The following PARP6 variants were observed in gnomAD, a reference collection of about 807,000 sequenced individuals.
PARP6 encodes poly(ADP-ribose) polymerase family member 6.
A neutral mutation model predicts 92.0 loss-of-function variants in PARP6; 27 were observed. The observed-to-expected ratio is 0.29, with a 90% CI of 0.22 to 0.40. The LOEUF is 0.40. Ranked by LOEUF, PARP6 falls within the 10% of genes least tolerant of loss-of-function variation. The pLI is 1.00. For synonymous variants in PARP6, 272 were observed against 281.2 expected (o/e 0.97, Z 0.33); for missense variants, 501 against 784.5 (o/e 0.64, Z 4.32).
chr15:72,250,904 A>C lies in PARP6; in HGVS notation c.1359T>G (p.Pro453=). The C allele has an allele frequency of 6.2e-7, 1 of 1,612,638 alleles. No homozygotes were observed. Among genetic ancestry groups the C allele is most frequent in the African/African-American group, 1.3e-5 (1 of 74,920 alleles). The change falls in exon 18 of 24, where the codon CCT becomes CCG. Residue 453 remains proline (P), a synonymous_variant. Transcript: ENST00000569795. ...SHQFLLLSSP[P]AKEARFRTAK... is the part of the protein sequence containing the mutation. ...CGGTCCGGAACCGAGCCTCCTTGGCAGGAGGGCTGCTCAGCAGGAGGAACT... is the reference window on the plus strand; with the variant it reads ...CGGTCCGGAACCGAGCCTCCTTGGCCGGAGGGCTGCTCAGCAGGAGGAACT...
intron 8 of PARP6, among the ~76,000 whole-genome samples, chr15:72,262,215 A>C (rs1303148385): frequency 6.6e-6 from 1 of 152,160 alleles, no homozygotes; most frequent in South Asian, 2.1e-4. Flanking sequence ...GTCCTTGATC[A>C]GTTCTCTCTA....
rs754686893 is a variant in PARP6, at chr15:72,265,901, T to C, written c.172A>G (p.Ile58Val). The C allele has an allele frequency of 1.2e-5, 19 of 1,609,436 alleles. 1 individual carries two copies. The South Asian group carries it at 1.3e-4, about 11-fold the overall frequency. The stretch of plus-strand genomic sequence containing the variant: ...ACCCCTGAAGTAGAGTCCCACCTGA[T>C]GGATACAGAGTTCTCACTGTAGATC... ...KEIYSENSVS[I>V]REYGTIDDVD... Residue 58 changes from isoleucine to valine, a missense_variant, in exon 5 of 24, where the codon ATC (isoleucine) becomes GTC (valine). Ile to Val is a conservative substitution (Grantham distance 29). Coordinates refer to ENST00000569795, the MANE Select transcript of PARP6 (RefSeq NM_001323532.2).
intron 14 of PARP6, among the ~76,000 whole-genome samples, chr15:72,255,592 T>C (rs2084970485): frequency 6.6e-6 from 1 of 151,780 alleles, no homozygotes; most frequent in Admixed American, 6.6e-5. Context: ...GGACTGGGAC[T>C]ACCACTGTAC....
rs2086415027 is a variant in PARP6, at chr15:72,265,174, A to G, written c.238-3T>C. The G allele has an allele frequency of 2.5e-6, 4 of 1,601,340 alleles. No individual in the cohort carries two copies. Among genetic ancestry groups the G allele is most frequent in the Non-Finnish European group, 3.4e-6 (4 of 1,168,682 alleles). ...TTCCAGGCTGTAGAGACTTCCTCCT[A>G]AAAGAAGAAGGGAAATAGTTTCCAG... On this transcript the variant is annotated splice_polypyrimidine_tract_variant and splice_region_variant and intron_variant, in intron 6 of 23. Coordinates refer to ENST00000569795, the MANE Select transcript of PARP6 (RefSeq NM_001323532.2).
chr15:72,243,363 C>G (rs1275743435), intron 20 of PARP6: 3 of 152,170 alleles, frequency 2.0e-5, no homozygotes, highest in Admixed American at 6.5e-5. Context: ...CAGAACAAGT[C>G]AGATTTGCTC....
In PARP6 at chr15:72,241,249, G is replaced by A. The variant is rs767284438; in HGVS notation, c.*206C>T. On this transcript the variant is annotated 3_prime_UTR_variant, in exon 24 of 24. Coordinates refer to ENST00000569795, the MANE Select transcript of PARP6 (RefSeq NM_001323532.2). This position sits in a 1 kb window ranked among gnomAD's most constrained non-coding sequence, Gnocchi z 4.1. ...AGGGTGAAGTCAAAGGGAAAGTCAG[G>A]GGATGGAGTCAGTCTGGGCCATCCG... The A allele has an allele frequency of 3.5e-5, 24 of 680,734 alleles. No individual in the cohort carries two copies. In the South Asian group the frequency reaches 3.6e-4, roughly 10 times the overall value. The allele number at this position is 680,734 out of a possible 1,614,324, so 42.2% of individuals were successfully genotyped here.
intron 3 of PARP6, chr15:72,267,207 G>C: frequency 1.8e-6 from 1 of 564,260 alleles, no homozygotes; most frequent in Non-Finnish European, 3.2e-6. Context: ...ACCTAAGACA[G>C]TTCCCAAGCA....
In PARP6 at chr15:72,266,004, C is replaced by T. The variant is rs2086542262; in HGVS notation, c.82-13G>A. ...CTGCACAGCTCCCCTGAGATAGCAG[C>T]AAAAATGGTGGTGGAGAGAGGTGGA... is the stretch of plus-strand genomic sequence containing the variant. On this transcript the variant is annotated splice_polypyrimidine_tract_variant and intron_variant, in intron 4 of 23. Coordinates refer to ENST00000569795, the MANE Select transcript of PARP6 (RefSeq NM_001323532.2). The T allele has an allele frequency of 6.3e-7, 1 of 1,578,090 alleles. No homozygotes were observed. Among genetic ancestry groups the T allele is most frequent in the African/African-American group, 1.4e-5 (1 of 74,036 alleles).
intron 16 of PARP6, among the ~76,000 whole-genome samples, chr15:72,252,307 C>T (rs912526297): frequency 1.3e-5 from 2 of 152,134 alleles, no homozygotes; most frequent in Admixed American, 1.3e-4. Context: ...GACACAAAAA[C>T]CTATTGGTGG....
Position 72,253,445 on chromosome 15 carries a change from G to A in PARP6, c.1251C>T (p.Leu417=), listed in dbSNP as rs1387917844. ...AGCCATTCTATCCATACCACTGCAGGAGAGGATGGGCCAGGGGATCCAACT... is the reference window on the plus strand; with the variant it reads ...AGCCATTCTATCCATACCACTGCAGAAGAGGATGGGCCAGGGGATCCAACT... ...MDKLDPLAHP[L]LQWIISSNRS... The change falls in exon 16 of 24, where the codon CTC becomes CTT. Residue 417 remains leucine, a synonymous_variant. Coordinates refer to ENST00000569795, the MANE Select transcript of PARP6 (RefSeq NM_001323532.2). 2 of 1,613,118 alleles carry A rather than the reference G, an allele frequency of 1.2e-6. No homozygotes were observed. Among genetic ancestry groups the A allele is most frequent in the Non-Finnish European group, 1.7e-6 (2 of 1,179,212 alleles).
Position 72,241,863 on chromosome 15 carries a change from ACTC to A in PARP6, c.1790+35_1790+37del. On this transcript the variant is annotated intron_variant, in intron 23 of 23. Coordinates refer to ENST00000569795, the MANE Select transcript of PARP6 (RefSeq NM_001323532.2). The surrounding 1 kb of genome is among the most constrained non-coding windows in gnomAD (Gnocchi z 4.1). The stretch of plus-strand genomic sequence containing the variant: ...CACACACCATCACACCCCCAACCTC[ACTC>A]CTCGAGTAATCCCCAGAGTCCCTCC... 1 of 1,445,998 alleles carries A rather than the reference ACTC, an allele frequency of 6.9e-7. No homozygotes were observed. Among genetic ancestry groups the A allele is most frequent in the Non-Finnish European group, 9.7e-7 (1 of 1,027,370 alleles). The allele number at this position is 1,445,998 out of a possible 1,614,324, so 89.6% of individuals were successfully genotyped here.
rs546589123 is a variant in PARP6 at position 72,265,315 on chromosome 15, G to T, written c.237+98C>A. On this transcript the variant is annotated intron_variant, in intron 6 of 23. Coordinates refer to ENST00000569795, the MANE Select transcript of PARP6 (RefSeq NM_001323532.2). Reference sequence around the variant, plus strand: ...GGAAAGACAGAGATGAAGAATATGTGCTCCAAATACAGCACTCGGGAACAA... The same window carrying T: ...GGAAAGACAGAGATGAAGAATATGTTCTCCAAATACAGCACTCGGGAACAA... 7.9e-6 allele frequency: 9 copies of T among 1,140,534 alleles called. No individual in the cohort carries two copies. In the South Asian group the frequency reaches 1.1e-4, roughly 14 times the overall value. The allele number at this position is 1,140,534 out of a possible 1,614,324, so 70.7% of individuals were successfully genotyped here. A position where few individuals can be genotyped will look rare whatever the true frequency, so the allele number is the denominator to read the frequency against.
chr15:72,267,256 T>C (rs2086722577), intron 3 of PARP6: 2 of 602,192 alleles, frequency 3.3e-6, no homozygotes, highest in Non-Finnish European at 6.0e-6. Flanking sequence ...CTTTCTATCC[T>C]TTAAAGTACT....
At chr15:72,261,824 G>C in intron 8 of PARP6, 117 bp from the exon 9 acceptor site, 1 of 956,452 alleles carries the variant, frequency 1.0e-6, no homozygotes, top group Non-Finnish European at 1.6e-6. Context: ...AGTTGTGGTA[G>C]GGGAATGTGT....
chr15:72,260,460 C>A lies in PARP6; in HGVS notation c.756+18G>T. On this transcript the variant is annotated intron_variant, in intron 10 of 23. Transcript: ENST00000569795. The stretch of plus-strand genomic sequence containing the variant: ...CACCCTCCTGATAGCCAAGTCAAAC[C>A]CTCCCCAGCCCATGTACCAAAGGAG... The A allele has an allele frequency of 6.2e-7, 1 of 1,600,180 alleles. No homozygotes were observed. The highest frequency in any genetic ancestry group is 8.6e-7 in the Non-Finnish European group (1 of 1,168,656).
At chr15:72,264,832 A>G (rs937955504) in intron 7 of PARP6, among the ~76,000 whole-genome samples, 11 of 152,194 alleles carry the variant, frequency 7.2e-5, no homozygotes, top group African/African-American at 1.9e-4. Flanking sequence ...ATGTTGAGAA[A>G]AGGAGGAGAA....
chr15:72,267,448 T>C (rs771453306), intron 3 of PARP6, 27 bp downstream of exon 3: 16 of 1,612,722 alleles, frequency 9.9e-6, no homozygotes, highest in Non-Finnish European at 1.4e-5. Context: ...GAACAATCAG[T>C]TGGAGAGGTG....
At chr15:72,249,971 G>T in intron 19 of PARP6, 49 bp downstream of exon 19, 1 of 1,225,042 alleles carries the variant, frequency 8.2e-7, no homozygotes, top group Non-Finnish European at 1.2e-6. Context: ...ACAAAACTGA[G>T]TAGGGAAGGG....
chr15:72,241,590 G>T lies in PARP6; in HGVS notation c.1791-33C>A, dbSNP rs756652888. The stretch of plus-strand genomic sequence containing the variant: ...AGATAGGGCAAGTGTGAGCATAAGA[G>T]GGAGAACAATACCAGAATAACATCA... On this transcript the variant is annotated intron_variant, in intron 23 of 23. Transcript: ENST00000569795. This position sits in a 1 kb window ranked among gnomAD's most constrained non-coding sequence, Gnocchi z 4.1. 1 of 1,470,546 alleles carries T rather than the reference G, an allele frequency of 6.8e-7. No homozygotes were observed. Among genetic ancestry groups the T allele is most frequent in the Non-Finnish European group, 9.5e-7 (1 of 1,048,996 alleles). 91.1% of individuals were successfully genotyped at this position (1,470,546 alleles called of 1,614,324 possible).
Sources: allele counts gnomAD v4.1 joint callset (sites outside exome capture counted in the v4.1 genomes callset), GRCh38; gene constraint gnomAD v4.1.1; non-coding constraint Gnocchi (gnomAD v3.1); transcripts MANE v1.5; gene names NCBI Gene and HGNC (gene_info 2026-07-23, HGNC 2026-07-21).